The following AEBP2 variants were observed in gnomAD, a reference collection of about 807,000 sequenced individuals.
AEBP2 encodes the protein zinc finger protein AEBP2.
AEBP2 carries 10 observed loss-of-function variants against 50.8 expected under a neutral mutation model. The ratio of observed to expected loss-of-function variants is 0.20; its 90% CI spans 0.12 to 0.33. The LOEUF is 0.33. Ranked by LOEUF, AEBP2 falls within the 10% of genes least tolerant of loss-of-function variation. The pLI, the probability that AEBP2 is intolerant of heterozygous loss-of-function variation, is 1.00. For synonymous variants in AEBP2, 296 were observed against 261.3 expected (o/e 1.13, Z -1.28); for missense variants, 570 against 688.0 (o/e 0.83, Z 1.92).
At chr12:19,481,854 T>C (rs1948735045) in intron 3 of AEBP2, among the ~76,000 whole-genome samples, 1 of 152,224 alleles carries the variant, frequency 6.6e-6, no homozygotes, top group Non-Finnish European at 1.5e-5. Context: ...TATGATATTT[T>C]TTCTCTGGAG....
chr12:19,471,947 G>A (rs1424750842), intron 2 of AEBP2, among the ~76,000 whole-genome samples: 2 of 152,118 alleles, frequency 1.3e-5, no homozygotes, highest in Non-Finnish European at 2.9e-5. Context: ...TGGGAATTTT[G>A]AGTATGAAGG....
chr12:19,417,487 A>G (rs911433332), intron 1 of AEBP2, among the ~76,000 whole-genome samples: 2 of 151,602 alleles, frequency 1.3e-5, no homozygotes, highest in African/African-American at 4.9e-5. Context: ...GCTCACTGCA[A>G]CCTCCGCCTC....
chr12:19,497,551 C>G (rs2120487093), intron 4 of AEBP2, among the ~76,000 whole-genome samples: 1 of 152,176 alleles, frequency 6.6e-6, no homozygotes, highest in South Asian at 2.1e-4. Context: ...TAGCTCACAG[C>G]AACCAGTGCC....
At chr12:19,505,385 T>TTA (rs1949141775) in intron 5 of AEBP2, among the ~76,000 whole-genome samples, 1 of 152,184 alleles carries the variant, frequency 6.6e-6, no homozygotes, top group East Asian at 1.9e-4. Flanking sequence ...CAGGTACTAA[T>TTA]GTAATGACAT....
At chr12:19,413,097 G>A (rs1207453612) in intron 1 of AEBP2, 3 of 623,430 alleles carry the variant, frequency 4.8e-6, no homozygotes, top group South Asian at 1.6e-5. Flanking sequence ...AGCAGCAGCC[G>A]GGCCGAATTC....
At chr12:19,471,676 T>C (rs1276853928) in intron 2 of AEBP2, among the ~76,000 whole-genome samples, 3 of 151,496 alleles carry the variant, frequency 2.0e-5, no homozygotes, top group Non-Finnish European at 2.9e-5. Flanking sequence ...CGAGTGCATA[T>C]GCCATTATGC....
In AEBP2 at chr12:19,499,947, T is replaced by G. The variant is rs1949041311; in HGVS notation, c.1175-150T>G. On this transcript the variant is annotated intron_variant, in intron 4 of 7. Transcript: ENST00000266508. ...GAAATAATGCTTTTGCATATTAGTC[T>G]TCTTATCTAGAGTCCATGTTTTGTA... 4 of 769,630 alleles carry G rather than the reference T, an allele frequency of 5.2e-6. No homozygotes were observed. The South Asian group carries it at 5.8e-5, about 11-fold the overall frequency. 47.7% of individuals were successfully genotyped at this position (769,630 alleles called of 1,614,324 possible).
In AEBP2 at chr12:19,439,541, C is replaced by T; in HGVS notation, c.-159C>T. 1 of 969,488 alleles carries T rather than the reference C, an allele frequency of 1.0e-6. No individual in the cohort carries two copies. Among genetic ancestry groups the T allele is most frequent in the Non-Finnish European group, 1.4e-6 (1 of 692,912 alleles). The allele number at this position is 969,488 out of a possible 1,614,324, so 60.1% of individuals were successfully genotyped here. A position where few individuals can be genotyped will look rare whatever the true frequency, so the allele number is the denominator to read the frequency against. On this transcript the variant is annotated 5_prime_UTR_variant, in exon 1 of 8. Coordinates refer to ENST00000266508, the MANE Select transcript of AEBP2 (RefSeq NM_153207.5). ...CGCGCGCCTGTCCCCGCGCGGGCTC[C>T]GTAGCGCGTGTGCAGGCTGACGCAG...
intron 1 of AEBP2, among the ~76,000 whole-genome samples, chr12:19,444,106 TAAA>T (rs1389123695): frequency 6.6e-6 from 1 of 152,144 alleles, no homozygotes; most frequent in African/African-American, 2.4e-5. Flanking sequence ...AAGTACTTTT[TAAA>T]AAAGTTATGC....
Position 19,462,636 on chromosome 12 carries a change from C to T in AEBP2, c.798C>T (p.Asp266=). The T allele has an allele frequency of 6.2e-7, 1 of 1,613,964 alleles. No individual in the cohort carries two copies. The highest frequency in any genetic ancestry group is 8.5e-7 in the Non-Finnish European group (1 of 1,179,878). ...SKNIAYNCCW[D]QCQACFNSSP... ...ATATTGCCTATAATTGTTGTTGGGACCAGTGCCAGGCTTGCTTCAACTCTA... is the reference window on the plus strand; with the variant it reads ...ATATTGCCTATAATTGTTGTTGGGATCAGTGCCAGGCTTGCTTCAACTCTA... The change falls in exon 2 of 8, where the codon GAC becomes GAT. Residue 266 remains aspartate, a synonymous_variant. Transcript: ENST00000266508.
At chr12:19,479,724 T>G (rs1785479319) in intron 3 of AEBP2, among the ~76,000 whole-genome samples, 1 of 84,340 alleles carries the variant, frequency 1.2e-5, no homozygotes, top group African/African-American at 7.5e-5. Flanking sequence ...TGGGTTTTTT[T>G]TTTTTTTTTT....
chr12:19,416,978 T>G (rs533091947), intron 1 of AEBP2, among the ~76,000 whole-genome samples: 7 of 151,922 alleles, frequency 4.6e-5, no homozygotes, highest in Non-Finnish European at 7.4e-5. Flanking sequence ...TTCAAGTGAT[T>G]CTCCTGCCTC....
chr12:19,457,091 C>T, intron 1 of AEBP2: 1 of 1,603,640 alleles, frequency 6.2e-7, no homozygotes, highest in Non-Finnish European at 8.5e-7. Flanking sequence ...GGGTTGTAGC[C>T]AATTTTCTTA....
At position 19,518,222 on chromosome 12, in the gene AEBP2, T is replaced by TC; in HGVS notation, c.*105_*106insC. On this transcript the variant is annotated 3_prime_UTR_variant, in exon 8 of 8. Coordinates refer to ENST00000266508, the MANE Select transcript of AEBP2 (RefSeq NM_153207.5). ...GCACATTAGAGTCAACCCCTTCTTTTTTTTTTTTTTTTTTTTAAATCCAGT... is the reference window on the plus strand; with the variant it reads ...GCACATTAGAGTCAACCCCTTCTTTTCTTTTTTTTTTTTTTTTAAATCCAGT... 8.6e-7 allele frequency: 1 copy of TC among 1,163,640 alleles called. No individual in the cohort carries two copies. The highest frequency in any genetic ancestry group is 1.1e-6 in the Non-Finnish European group (1 of 895,678). 72.1% of individuals were successfully genotyped at this position (1,163,640 alleles called of 1,614,324 possible). A position where few individuals can be genotyped will look rare whatever the true frequency, so the allele number is the denominator to read the frequency against.
chr12:19,432,051 G>A (rs140890363), intron 1 of AEBP2, among the ~76,000 whole-genome samples: 13 of 152,272 alleles, frequency 8.5e-5, no homozygotes, highest in African/African-American at 1.9e-4. Flanking sequence ...GCAAACTGGC[G>A]AGGCAGGACT....
At chr12:19,484,498 C>T (rs1948778298) in intron 3 of AEBP2, among the ~76,000 whole-genome samples, 1 of 150,862 alleles carries the variant, frequency 6.6e-6, no homozygotes, top group African/African-American at 2.4e-5. Flanking sequence ...CCTCAGCCTC[C>T]CGAGTAGCTG....
chr12:19,424,423 G>A (rs1489868119), intron 1 of AEBP2, among the ~76,000 whole-genome samples: 4 of 151,774 alleles, frequency 2.6e-5, no homozygotes, highest in African/African-American at 9.7e-5. Flanking sequence ...TTGAGACGGA[G>A]TCTTGCTCTG....
At chr12:19,452,268 C>A (rs1948176810) in intron 1 of AEBP2, among the ~76,000 whole-genome samples, 1 of 152,196 alleles carries the variant, frequency 6.6e-6, no homozygotes, top group Non-Finnish European at 1.5e-5. Context: ...GCTGGGATTA[C>A]AGGCAAGAGC....
At position 19,469,766 on chromosome 12, in the gene AEBP2, T is replaced by TA. The variant is rs576963603; in HGVS notation, c.880-3481dup. 5.0e-4 allele frequency among the ~76,000 whole-genome samples: 76 copies of TA among 152,322 alleles called. No homozygotes were observed. The East Asian group carries it at 0.011, about 22-fold the overall frequency. ...TCAGCAGGTTGTTTTCTATTTCTGTTATGTCTGATACAACCTAATACAACA... is the reference window on the plus strand; with the variant it reads ...TCAGCAGGTTGTTTTCTATTTCTGTTAATGTCTGATACAACCTAATACAACA... On this transcript the variant is annotated intron_variant, in intron 2 of 7. Coordinates refer to ENST00000266508, the MANE Select transcript of AEBP2 (RefSeq NM_153207.5).
Sources: allele counts gnomAD v4.1 joint callset (sites outside exome capture counted in the v4.1 genomes callset), GRCh38; gene constraint gnomAD v4.1.1; transcripts MANE v1.5; gene names NCBI Gene and HGNC (gene_info 2026-07-23, HGNC 2026-07-21).